Variants in IL5RA observed in about 807,000 individuals in gnomAD.
The protein encoded by IL5RA is interleukin 5 receptor subunit alpha, also known as interleukin-5 receptor subunit alpha.
Under a neutral mutation model 50.0 loss-of-function variants are expected in IL5RA, and 49 were observed. That is an observed-to-expected ratio of 0.98 (90% CI 0.78 to 1.24). The LOEUF (loss-of-function observed/expected upper bound fraction) is 1.24. Ranked by LOEUF, IL5RA falls within the 50% of genes most tolerant of loss-of-function variation. The probability of loss-of-function intolerance (pLI) is 0.00; values close to 1 mark genes in which losing one functional copy is unlikely to be tolerated. For synonymous variants in IL5RA, 202 were observed against 174.0 expected (o/e 1.16, Z -1.26); for missense variants, 600 against 500.4 (o/e 1.20, Z -1.90).
At chr3:3,102,641 C>T in intron 4 of IL5RA, 34 bp downstream of exon 4, 3 of 1,411,752 alleles carry the variant, frequency 2.1e-6, no homozygotes, top group Non-Finnish European at 2.9e-6. Flanking sequence ...CATATTTATT[C>T]TCAATAAGGA....
chr3:3,096,289 A>AAAGAAGAAG (rs5846242), intron 7 of IL5RA, among the ~76,000 whole-genome samples: 5,171 of 141,248 alleles, frequency 0.037, 174 homozygotes, highest in African/African-American at 0.096. Context: ...AAAAAAAAAA[A>AAAGAAGAAG]AAGAAGAAGA....
chr3:3,098,621 T>A (rs1703478910), intron 5 of IL5RA, among the ~76,000 whole-genome samples: 1 of 152,152 alleles, frequency 6.6e-6, no homozygotes, highest in South Asian at 2.1e-4. Flanking sequence ...ATGGCCAGGC[T>A]GGTCTTGAAC....
chr3:3,102,625 A>G (rs1703708835), intron 4 of IL5RA, 50 bp downstream of exon 4: 1 of 1,299,176 alleles, frequency 7.7e-7, no homozygotes, highest in African/African-American at 1.5e-5. Context: ...AAATGCAGTC[A>G]AAATGCATAT....
At chr3:3,081,946 A>G (rs1018838211) in intron 9 of IL5RA, among the ~76,000 whole-genome samples, 1 of 152,168 alleles carries the variant, frequency 6.6e-6, no homozygotes, top group East Asian at 1.9e-4. Flanking sequence ...AACACAACCA[A>G]GGTCGGCTTT....
At chr3:3,105,432 A>T (rs1265467632) in intron 2 of IL5RA, 3 of 141,546 alleles carry the variant, frequency 2.1e-5, no homozygotes, top group African/African-American at 8.0e-5. Context: ...GAATAGCAGA[A>T]TTTCTAGCAT....
chr3:3,104,147 C>A (rs971586851), intron 3 of IL5RA, among the ~76,000 whole-genome samples: 2 of 152,236 alleles, frequency 1.3e-5, no homozygotes, highest in Admixed American at 1.3e-4. Flanking sequence ...TCAAGCTATT[C>A]TCCTGCTTCA....
chr3:3,102,457 T>C (rs929010715), intron 4 of IL5RA, among the ~76,000 whole-genome samples: 9 of 152,198 alleles, frequency 5.9e-5, no homozygotes, highest in African/African-American at 2.2e-4. Context: ...GAAAGAATCA[T>C]CCAAAAGTTA....
chr3:3,089,747 C>T (rs1215768331), intron 9 of IL5RA, among the ~76,000 whole-genome samples: 19 of 151,892 alleles, frequency 1.3e-4, no homozygotes, highest in Non-Finnish European at 2.4e-4. Flanking sequence ...TCCTGCCTCC[C>T]GAGTAGCTGG....
In IL5RA at chr3:3,098,325, C is replaced by T. The variant is rs17885206; in HGVS notation, c.368-35G>A. The T allele has an allele frequency of 1.2e-3, 1,885 of 1,581,600 alleles. 15 individuals are homozygous for T. The African/African-American group carries it at 0.018, about 15-fold the overall frequency. On this transcript the variant is annotated intron_variant, in intron 5 of 11. Transcript: ENST00000446632. Reference sequence around the variant, plus strand: ...CAAAAGTAAAAAGGACAAAACATTGCCATGGCAAACTCTGAATTTCATGCT... The same window carrying T: ...CAAAAGTAAAAAGGACAAAACATTGTCATGGCAAACTCTGAATTTCATGCT...
At chr3:3,083,939 G>A (rs372172797) in intron 9 of IL5RA, among the ~76,000 whole-genome samples, 5 of 151,960 alleles carry the variant, frequency 3.3e-5, no homozygotes, top group Non-Finnish European at 7.4e-5. Flanking sequence ...CAGCTACTCC[G>A]GTGGCTGAGG....
At chr3:3,106,303 T>A (rs973108046) in intron 2 of IL5RA, among the ~76,000 whole-genome samples, 3 of 152,184 alleles carry the variant, frequency 2.0e-5, no homozygotes, top group African/African-American at 7.2e-5. Context: ...CTGGGCTAAA[T>A]GAATACCTCC....
At chr3:3,088,647 A>G (rs183726317) in intron 9 of IL5RA, among the ~76,000 whole-genome samples, 3 of 152,340 alleles carry the variant, frequency 2.0e-5, no homozygotes, top group African/African-American at 7.2e-5. Context: ...AACATTGACT[A>G]TGACTTCAAA....
At chr3:3,101,938 G>A in intron 4 of IL5RA, 108 bp from the exon 5 acceptor site, 1 of 975,456 alleles carries the variant, frequency 1.0e-6, no homozygotes, top group Non-Finnish European at 1.5e-6. Context: ...TTAGTAAGAT[G>A]CAATGAAATA....
At chr3:3,109,015 T>A (rs1280384860) in intron 1 of IL5RA, among the ~76,000 whole-genome samples, 1 of 152,218 alleles carries the variant, frequency 6.6e-6, no homozygotes, top group African/African-American at 2.4e-5. Flanking sequence ...ATGTTCAGTA[T>A]GGTAATTCAT....
At chr3:3,086,264 C>T (rs191498907) in intron 9 of IL5RA, among the ~76,000 whole-genome samples, 6 of 152,240 alleles carry the variant, frequency 3.9e-5, no homozygotes, top group Non-Finnish European at 2.9e-5. Flanking sequence ...CATCATTCCT[C>T]GTTTCACACT....
intron 9 of IL5RA, among the ~76,000 whole-genome samples, chr3:3,084,253 A>T (rs1702772793): frequency 1.3e-5 from 2 of 152,202 alleles, no homozygotes; most frequent in African/African-American, 4.8e-5. Context: ...AATTACGATT[A>T]GGATGAAATG....
intron 4 of IL5RA, 96 bp downstream of exon 4, chr3:3,102,579 T>C (rs189328419): frequency 2.3e-6 from 2 of 852,292 alleles, no homozygotes; most frequent in Non-Finnish European, 3.6e-6. Flanking sequence ...TGTCAGTAAT[T>C]TTATTTTTTT....
At chr3:3,072,437 TATTTTACAC>T (rs1702334812) in intron 11 of IL5RA, among the ~76,000 whole-genome samples, 1 of 152,238 alleles carries the variant, frequency 6.6e-6, no homozygotes, top group Admixed American at 6.5e-5. Context: ...CCCAAGTTGT[TATTTTACAC>T]ACATGACTTG....
Position 3,102,568 on chromosome 3 carries a change from C to G in IL5RA, c.228+107G>C, listed in dbSNP as rs1703705755. Reference sequence around the variant, plus strand: ...TTCTACTGGTAACATAACATAGAGCCTGTCAGTAATTTTATTTTTTTAATC... The same window carrying G: ...TTCTACTGGTAACATAACATAGAGCGTGTCAGTAATTTTATTTTTTTAATC... On this transcript the variant is annotated intron_variant, in intron 4 of 11. Coordinates refer to ENST00000446632, the MANE Select transcript of IL5RA (RefSeq NM_175726.4). 6.8e-6 allele frequency: 5 copies of G among 731,042 alleles called. No homozygotes were observed. The Admixed American group carries it at 1.2e-4, about 18-fold the overall frequency. 45.3% of individuals were successfully genotyped at this position (731,042 alleles called of 1,614,324 possible). A position where few individuals can be genotyped will look rare whatever the true frequency, so the allele number is the denominator to read the frequency against.
Sources: allele counts gnomAD v4.1 joint callset (sites outside exome capture counted in the v4.1 genomes callset), GRCh38; gene constraint gnomAD v4.1.1; transcripts MANE v1.5; gene names NCBI Gene and HGNC (gene_info 2026-07-23, HGNC 2026-07-21).